Variants in CACNA2D3 observed in about 807,000 individuals in gnomAD.
CACNA2D3 encodes the protein voltage-dependent calcium channel subunit alpha-2/delta-3.
CACNA2D3 carries 60 observed loss-of-function variants against 160.6 expected under a neutral mutation model. That is an observed-to-expected ratio of 0.37 (90% CI 0.30 to 0.46). The LOEUF (loss-of-function observed/expected upper bound fraction) is 0.46. Ranked by LOEUF, CACNA2D3 falls within the 20% of genes least tolerant of loss-of-function variation. The pLI, the probability that CACNA2D3 is intolerant of heterozygous loss-of-function variation, is 1.00. For synonymous variants in CACNA2D3, 558 were observed against 492.9 expected (o/e 1.13, Z -1.75); for missense variants, 1,205 against 1,365.0 (o/e 0.88, Z 1.85).
intron 4 of CACNA2D3, among the ~76,000 whole-genome samples, chr3:54,490,007 A>T (rs1227924154): frequency 6.6e-6 from 1 of 152,184 alleles, no homozygotes; most frequent in Non-Finnish European, 1.5e-5. Context: ...AGTAGCAATG[A>T]TGTTACTTCC....
rs1435004019 is a variant in CACNA2D3 at position 54,736,122 on chromosome 3, T to TAC, written c.1168-16476_1168-16475insCA. 7.2e-3 allele frequency among the ~76,000 whole-genome samples: 466 copies of TAC among 64,728 alleles called. 100 individuals are homozygous for TAC. The highest frequency in any genetic ancestry group is 0.023 in the East Asian group (79 of 3,490). The allele number at this position is 64,728 out of a possible 152,430, so 42.5% of individuals were successfully genotyped here. On this transcript the variant is annotated intron_variant, in intron 11 of 37. Coordinates refer to ENST00000474759, the MANE Select transcript of CACNA2D3 (RefSeq NM_018398.3). ...ATACATATATATGTATATATATACA[T>TAC]ATATATATGTATATATATACACACA... is the stretch of plus-strand genomic sequence containing the variant.
At chr3:54,314,171 C>G (rs1340133443) in intron 2 of CACNA2D3, among the ~76,000 whole-genome samples, 1 of 152,152 alleles carries the variant, frequency 6.6e-6, no homozygotes, top group African/African-American at 2.4e-5. Flanking sequence ...TTTTCTATTC[C>G]TAAGTTACTG....
intron 2 of CACNA2D3, among the ~76,000 whole-genome samples, chr3:54,232,854 G>A (rs939008367): frequency 6.6e-6 from 1 of 152,114 alleles, no homozygotes; most frequent in African/African-American, 2.4e-5. Flanking sequence ...AAAGTGTCAC[G>A]CCCATCAATT....
chr3:54,814,025 C>A lies in CACNA2D3; in HGVS notation c.1381-2828C>A, dbSNP rs118012781. Among the ~76,000 whole-genome samples the A allele has an allele frequency of 5.9e-4, 89 of 151,930 alleles. 1 individual carries two copies. The highest frequency in any genetic ancestry group is 1.1e-3 in the African/African-American group (44 of 41,446). On this transcript the variant is annotated intron_variant, in intron 13 of 37. Coordinates refer to ENST00000474759, the MANE Select transcript of CACNA2D3 (RefSeq NM_018398.3). ...GGACTACAGCCATGTGCCACCATTC[C>A]CAGCTAATTTTTTTTGTATTTTTTG...
chr3:54,474,501 A>G (rs1256676186), intron 4 of CACNA2D3, among the ~76,000 whole-genome samples: 3 of 152,316 alleles, frequency 2.0e-5, no homozygotes, highest in Middle Eastern at 6.8e-3. Context: ...TACCTGTGTA[A>G]CAAACCTTCA....
chr3:55,051,745 G>C (rs1207684071), intron 35 of CACNA2D3, among the ~76,000 whole-genome samples: 1 of 152,138 alleles, frequency 6.6e-6, no homozygotes, highest in African/African-American at 2.4e-5. Context: ...TGCTGTGCTA[G>C]CAATTAGCGA....
intron 14 of CACNA2D3, among the ~76,000 whole-genome samples, chr3:54,827,613 A>G (rs1575498811): frequency 1.3e-5 from 2 of 152,226 alleles, no homozygotes; most frequent in South Asian, 4.1e-4. Flanking sequence ...GCACTTCCTT[A>G]CAGTCTCAGT....
At chr3:54,543,910 A>G (rs1357943219) in intron 5 of CACNA2D3, among the ~76,000 whole-genome samples, 3 of 152,156 alleles carry the variant, frequency 2.0e-5, no homozygotes, top group Non-Finnish European at 4.4e-5. Context: ...AAAACATTTG[A>G]ACCTTTTTTT....
At chr3:54,499,054 G>T (rs1251867404) in intron 4 of CACNA2D3, among the ~76,000 whole-genome samples, 2 of 152,036 alleles carry the variant, frequency 1.3e-5, no homozygotes, top group African/African-American at 4.8e-5. Context: ...ATCTAGAAAA[G>T]AATGTGTGCT....
rs1055607942 is a variant in CACNA2D3, at chr3:54,278,890, G to A, written c.205-41552G>A. Among the ~76,000 whole-genome samples, 9 of 152,206 alleles carry A rather than the reference G, an allele frequency of 5.9e-5. No homozygotes were observed. The East Asian group carries it at 7.7e-4, about 13-fold the overall frequency. Reference sequence around the variant, plus strand: ...AGGAGAAATACCTAATGTAGATGACGGGTTGATGGGTGCAGTGAACCACCA... The same window carrying A: ...AGGAGAAATACCTAATGTAGATGACAGGTTGATGGGTGCAGTGAACCACCA... On this transcript the variant is annotated intron_variant, in intron 2 of 37. Transcript: ENST00000474759.
intron 2 of CACNA2D3, among the ~76,000 whole-genome samples, chr3:54,248,246 C>T (rs1450799163): frequency 3.9e-5 from 6 of 152,090 alleles, no homozygotes; most frequent in South Asian, 4.2e-4. Context: ...TTTGGGAGGC[C>T]GAGGCAGTTG....
At chr3:54,672,437 T>C (rs547488218) in intron 11 of CACNA2D3, among the ~76,000 whole-genome samples, 31 of 152,332 alleles carry the variant, frequency 2.0e-4, no homozygotes, top group African/African-American at 7.5e-4. Flanking sequence ...GTTGGCCTTT[T>C]TCTGAGATCA....
chr3:54,134,954 C>T (rs148314997), intron 2 of CACNA2D3, among the ~76,000 whole-genome samples: 3 of 152,334 alleles, frequency 2.0e-5, no homozygotes, highest in African/African-American at 2.4e-5. Flanking sequence ...ATGGGGCCCT[C>T]GCAGCCGCCA....
chr3:54,456,481 T>C (rs995387005), intron 4 of CACNA2D3, among the ~76,000 whole-genome samples: 6 of 152,000 alleles, frequency 3.9e-5, no homozygotes, highest in African/African-American at 1.4e-4. Context: ...TAGGTTGTTT[T>C]TCTATATATA....
At chr3:54,608,252 G>A (rs528270132) in intron 9 of CACNA2D3, among the ~76,000 whole-genome samples, 22 of 152,332 alleles carry the variant, frequency 1.4e-4, no homozygotes, top group Non-Finnish European at 2.9e-4. Context: ...CAATAAAGAT[G>A]TTATCATTGG....
chr3:54,271,240 T>C (rs1457320017), intron 2 of CACNA2D3, among the ~76,000 whole-genome samples: 2 of 152,138 alleles, frequency 1.3e-5, no homozygotes, highest in Non-Finnish European at 2.9e-5. Flanking sequence ...TTCTTTTCTT[T>C]TCTTTATTAT....
intron 29 of CACNA2D3, among the ~76,000 whole-genome samples, chr3:54,980,538 T>C (rs569970117): frequency 6.6e-6 from 1 of 152,082 alleles, no homozygotes; most frequent in African/African-American, 2.4e-5. Context: ...GTAGAACTGT[T>C]TCCTTGGTGG....
In CACNA2D3 at chr3:54,569,796, G is replaced by T. The variant is rs372114533; in HGVS notation, c.678G>T (p.Gly226=). The T allele has an allele frequency of 3.4e-5, 55 of 1,595,448 alleles. No individual in the cohort carries two copies. In the Middle Eastern group the frequency reaches 9.9e-4, roughly 29 times the overall value. The stretch of plus-strand genomic sequence containing the variant: ...CTCATAACCCCATTTTTCTTCTAGG[G>T]ATTAAATGGGAACCAGATGAGAATG... ...SAKGFFRQYP[G]IKWEPDENGV... Residue 226 remains glycine (G), a splice_region_variant and synonymous_variant, in exon 7 of 38, where the codon GGG becomes GGT. Coordinates refer to ENST00000474759, the MANE Select transcript of CACNA2D3 (RefSeq NM_018398.3).
At chr3:54,280,576 G>A (rs960594793) in intron 2 of CACNA2D3, among the ~76,000 whole-genome samples, 5 of 152,040 alleles carry the variant, frequency 3.3e-5, no homozygotes, top group Non-Finnish European at 7.4e-5. Context: ...GTCAGGGCAG[G>A]CCTCAGGGAG....
Sources: gnomAD v4.1 joint callset for allele counts (sites outside exome capture counted in the v4.1 genomes callset) on GRCh38, gnomAD v4.1.1 for gene constraint, MANE v1.5 for transcripts, NCBI Gene and HGNC (gene_info 2026-07-23, HGNC 2026-07-21) for gene names.